The following PLPPR5 variants were observed in gnomAD, a reference collection of about 807,000 sequenced individuals.
PLPPR5 encodes the protein phospholipid phosphatase related 5, also known as phospholipid phosphatase-related protein type 5.
PLPPR5 carries 16 observed loss-of-function variants against 33.9 expected under a neutral mutation model. The ratio of observed to expected loss-of-function variants is 0.47; its 90% confidence interval spans 0.32 to 0.72. PLPPR5 has a LOEUF of 0.72. PLPPR5 is among the 30% of genes least tolerant of loss of function. The probability of loss-of-function intolerance (pLI) is 0.03; values close to 1 mark genes in which losing one functional copy is unlikely to be tolerated. For missense variants in PLPPR5, 301 were observed against 406.7 expected (o/e 0.74, Z 2.23); for synonymous variants, 163 against 150.3 (o/e 1.08, Z -0.62).
At chr1:98,931,446 G>A (rs550383796) in intron 3 of PLPPR5, among the ~76,000 whole-genome samples, 12 of 152,244 alleles carry the variant, frequency 7.9e-5, no homozygotes, top group South Asian at 2.1e-4. Flanking sequence ...CTTATCGATG[G>A]ACTTAAGGCT....
chr1:99,001,671 G>GATATAT (rs55722150), intron 1 of PLPPR5, among the ~76,000 whole-genome samples: 4,221 of 102,048 alleles, frequency 0.041, 217 homozygotes, highest in Admixed American at 0.083. Context: ...GAAAGTTAAA[G>GATATAT]ATATATATAT....
intron 4 of PLPPR5, among the ~76,000 whole-genome samples, chr1:98,916,049 C>T (rs1423254723): frequency 6.6e-6 from 1 of 152,088 alleles, no homozygotes; most frequent in Non-Finnish European, 1.5e-5. Flanking sequence ...TATACATTTA[C>T]ATTTCATATT....
chr1:98,903,668 G>A (rs1382493426), intron 5 of PLPPR5, among the ~76,000 whole-genome samples: 1 of 152,056 alleles, frequency 6.6e-6, no homozygotes, highest in African/African-American at 2.4e-5. Context: ...AGAAATGATT[G>A]TTGCGGGAGG....
chr1:98,903,873 G>T (rs571039182), intron 5 of PLPPR5, among the ~76,000 whole-genome samples: 2 of 152,208 alleles, frequency 1.3e-5, no homozygotes, highest in South Asian at 4.1e-4. Context: ...CAAGCTCTCT[G>T]TCCACCCATC....
At chr1:98,964,704 A>G (rs1261352996) in intron 1 of PLPPR5, among the ~76,000 whole-genome samples, 3 of 152,196 alleles carry the variant, frequency 2.0e-5, no homozygotes, top group African/African-American at 7.2e-5. Flanking sequence ...ACAACCTCCA[A>G]GGAAGATTAG....
At chr1:98,924,777 G>A (rs1570702338) in intron 3 of PLPPR5, among the ~76,000 whole-genome samples, 1 of 152,270 alleles carries the variant, frequency 6.6e-6, no homozygotes, top group African/African-American at 2.4e-5. Context: ...TTCATAAGGA[G>A]CCCATAGACA....
intron 3 of PLPPR5, among the ~76,000 whole-genome samples, chr1:98,937,939 A>C (rs530400880): frequency 2.0e-5 from 3 of 152,318 alleles, no homozygotes; most frequent in African/African-American, 4.8e-5. Context: ...TTGTTACATA[A>C]TCTGTAATAA....
chr1:98,892,961 T>G lies in PLPPR5; in HGVS notation c.*111A>C. ...GACATTGATTTTAAAATTATAAAAA[T>G]TATTAAACAACTTTATAAACTTCAC... On this transcript the variant is annotated 3_prime_UTR_variant, in exon 6 of 6. Coordinates refer to ENST00000263177, the MANE Select transcript of PLPPR5 (RefSeq NM_001037317.2). The G allele has an allele frequency of 9.4e-7, 1 of 1,064,974 alleles. No individual in the cohort carries two copies. Among genetic ancestry groups the G allele is most frequent in the Non-Finnish European group, 1.4e-6 (1 of 720,616 alleles). The allele number at this position is 1,064,974 out of a possible 1,614,324, so 66.0% of individuals were successfully genotyped here. A position where few individuals can be genotyped will look rare whatever the true frequency, so the allele number is the denominator to read the frequency against.
At chr1:98,956,905 C>T (rs190072720) in intron 1 of PLPPR5, among the ~76,000 whole-genome samples, 164 bp from the exon 2 acceptor site, 3 of 152,092 alleles carry the variant, frequency 2.0e-5, no homozygotes. Flanking sequence ...TAGCCTTGTC[C>T]GTATGTATGT....
At chr1:98,921,825 T>C in intron 4 of PLPPR5, 57 bp downstream of exon 4, 3 of 1,381,648 alleles carry the variant, frequency 2.2e-6, no homozygotes, top group African/African-American at 2.9e-5. Context: ...TATTTTCTCA[T>C]GGTGATTATG....
At chr1:98,940,922 C>T (rs1007291229) in intron 3 of PLPPR5, among the ~76,000 whole-genome samples, 1 of 151,832 alleles carries the variant, frequency 6.6e-6, no homozygotes, top group African/African-American at 2.4e-5. Flanking sequence ...TCAGAAGACA[C>T]AAAAGCAGGA....
In PLPPR5 at chr1:98,893,024, G is replaced by T. The variant is rs949044684; in HGVS notation, c.*48C>A. On this transcript the variant is annotated 3_prime_UTR_variant, in exon 6 of 6. Coordinates refer to ENST00000263177, the MANE Select transcript of PLPPR5 (RefSeq NM_001037317.2). Reference sequence around the variant, plus strand: ...AAACTTTGGGTGTTATGAATGGATGGTAAAAAGGGATGATGTCCAATGCAG... The same window carrying T: ...AAACTTTGGGTGTTATGAATGGATGTTAAAAAGGGATGATGTCCAATGCAG... The T allele has an allele frequency of 3.1e-6, 5 of 1,588,592 alleles. No homozygotes were observed. The African/African-American group carries it at 6.7e-5, about 21-fold the overall frequency.
chr1:98,952,340 C>T (rs12033766), intron 3 of PLPPR5, among the ~76,000 whole-genome samples: 39,277 of 151,358 alleles, frequency 0.26, 5,350 homozygotes, highest in East Asian at 0.48. Flanking sequence ...GTTAGGAGTC[C>T]ACCTCCTGAG....
chr1:98,929,922 T>A (rs556980352), intron 3 of PLPPR5, among the ~76,000 whole-genome samples: 1 of 152,198 alleles, frequency 6.6e-6, no homozygotes, highest in African/African-American at 2.4e-5. Context: ...TACATAAAGA[T>A]AGCTTGTGAT....
intron 1 of PLPPR5, among the ~76,000 whole-genome samples, chr1:98,994,298 C>T (rs990172033): frequency 6.6e-6 from 1 of 152,086 alleles, no homozygotes; most frequent in East Asian, 1.9e-4. Flanking sequence ...CCCTCCTTTA[C>T]TCTCCTCTTT....
chr1:98,892,034 A>T lies in PLPPR5; in HGVS notation c.*1038T>A, dbSNP rs1648292332. On this transcript the variant is annotated 3_prime_UTR_variant, in exon 6 of 6. Transcript: ENST00000263177. The stretch of plus-strand genomic sequence containing the variant: ...CCCTTCATGTTTATACCAGGTTATT[A>T]TGAGGATTACATAAAATAATTGGTG... 1 of 152,154 alleles carries T rather than the reference A, an allele frequency of 6.6e-6. No individual in the cohort carries two copies. The highest frequency in any genetic ancestry group is 1.5e-5 in the Non-Finnish European group (1 of 68,024). The allele number at this position is 152,154 out of a possible 1,614,324, so 9.4% of individuals were successfully genotyped here.
At chr1:98,904,858 G>A (rs866409486) in intron 5 of PLPPR5, among the ~76,000 whole-genome samples, 1 of 152,202 alleles carries the variant, frequency 6.6e-6, no homozygotes, top group South Asian at 2.1e-4. Flanking sequence ...CTATGGGTAG[G>A]GGAGAGGGAT....
At chr1:98,990,375 T>C (rs55646170) in intron 1 of PLPPR5, among the ~76,000 whole-genome samples, 9,041 of 151,490 alleles carry the variant, frequency 0.06, 376 homozygotes, top group Middle Eastern at 0.085. Context: ...CATCCCAAAA[T>C]AAAACAAAAC....
intron 1 of PLPPR5, among the ~76,000 whole-genome samples, chr1:99,001,671 G>GAGATAT (rs1553173331): frequency 1.1e-4 from 11 of 102,184 alleles, no homozygotes; most frequent in African/African-American, 4.3e-4. Context: ...GAAAGTTAAA[G>GAGATAT]ATATATATAT....
Sources: gnomAD v4.1 joint callset for allele counts (sites outside exome capture counted in the v4.1 genomes callset) on GRCh38, gnomAD v4.1.1 for gene constraint, MANE v1.5 for transcripts, NCBI Gene and HGNC (gene_info 2026-07-23, HGNC 2026-07-21) for gene names.